The following TBXAS1 variants were observed in gnomAD, a reference collection of about 807,000 sequenced individuals.
TBXAS1 encodes thromboxane A synthase 1.
TBXAS1 carries 48 observed loss-of-function variants against 60.7 expected under a neutral mutation model. That is an observed-to-expected ratio of 0.79 (90% CI 0.63 to 1.01). The LOEUF (loss-of-function observed/expected upper bound fraction) is 1.01, where lower values mean the gene tolerates loss of function less well. TBXAS1 is among the 50% of genes least tolerant of loss of function. TBXAS1 has a pLI of 0.00. For synonymous variants in TBXAS1, 287 were observed against 269.7 expected (o/e 1.06, Z -0.63); for missense variants, 685 against 686.3 (o/e 1.00, Z 0.02).
chr7:139,913,073 C>T (rs1805664526), intron 4 of TBXAS1: 1 of 699,774 alleles, frequency 1.4e-6, no homozygotes, highest in African/African-American at 1.7e-5. Flanking sequence ...AGCCCCAGAG[C>T]ATCATGCCCA....
intron 3 of TBXAS1, among the ~76,000 whole-genome samples, chr7:139,882,894 A>T (rs1802803475): frequency 6.6e-6 from 1 of 152,248 alleles, no homozygotes. Flanking sequence ...TGAGTGAAAT[A>T]TCAATATTCT....
chr7:139,854,112 C>T lies in TBXAS1; in HGVS notation c.90-18123C>T, dbSNP rs371094764. 4.4e-4 allele frequency among the ~76,000 whole-genome samples: 67 copies of T among 152,130 alleles called. 2 individuals carry two copies. The East Asian group carries it at 9.6e-3, about 22-fold the overall frequency. On this transcript the variant is annotated intron_variant, in intron 1 of 12. Coordinates refer to ENST00000448866, the MANE Select transcript of TBXAS1 (RefSeq NM_001061.7). ...GGCCCAAAATTTAAGAAGGCCCTCA[C>T]TCTCAGGGTTGTACAAGAGCAGGGG...
chr7:139,983,223 A>C (rs1812090665), intron 9 of TBXAS1, among the ~76,000 whole-genome samples: 1 of 152,162 alleles, frequency 6.6e-6, no homozygotes, highest in South Asian at 2.1e-4. Context: ...CCCCATCTTC[A>C]ACCTCGGCTC....
chr7:139,835,414 A>T (rs943049049), intron 1 of TBXAS1, among the ~76,000 whole-genome samples: 2 of 152,156 alleles, frequency 1.3e-5, no homozygotes, highest in African/African-American at 4.8e-5. Context: ...ATCCAACAAC[A>T]TATCAAAAAG....
At chr7:140,014,420 A>C (rs567129305) in intron 10 of TBXAS1, among the ~76,000 whole-genome samples, 1 of 152,224 alleles carries the variant, frequency 6.6e-6, no homozygotes, top group East Asian at 1.9e-4. Flanking sequence ...GCTGGGGCTG[A>C]GGTAGGAGGC....
chr7:139,875,650 C>G lies in TBXAS1; in HGVS notation c.236+13C>G. 6.2e-7 allele frequency: 1 copy of G among 1,606,064 alleles called. No homozygotes were observed. The highest frequency in any genetic ancestry group is 1.1e-5 in the South Asian group (1 of 91,080). On this transcript the variant is annotated intron_variant, in intron 3 of 12. Coordinates refer to ENST00000448866, the MANE Select transcript of TBXAS1 (RefSeq NM_001061.7). ...GACCTCTGTGTGGGTAAGAAGGAAA[C>G]TCAACGTTTCTATTATGTACGATAT...
chr7:139,841,103 G>A (rs1283531707), intron 1 of TBXAS1, among the ~76,000 whole-genome samples: 3 of 152,240 alleles, frequency 2.0e-5, no homozygotes, highest in Non-Finnish European at 4.4e-5. Context: ...GTTCCTAGGT[G>A]TGAGCGTGGC....
chr7:139,873,610 A>G (rs1395262889), intron 2 of TBXAS1, among the ~76,000 whole-genome samples: 2 of 152,198 alleles, frequency 1.3e-5, no homozygotes, highest in South Asian at 2.1e-4. Context: ...TGACAGAAAT[A>G]AAACGTTGGG....
chr7:139,809,153 GTAGA>G lies in TBXAS1; in HGVS notation c.-79-20134_-79-20131del, dbSNP rs60399618. ...GAGAGACAGGACCAATAGGAGATAG[GTAGA>G]TAGATAGATAGATAGATAGATAGAA... On this transcript the variant is annotated intron_variant, in intron 4 of 16. Coordinates refer to the TBXAS1 transcript ENST00000336425. Among the ~76,000 whole-genome samples the G allele has an allele frequency of 1.6e-3, 246 of 150,150 alleles. 1 individual carries two copies. The East Asian group carries it at 0.028, about 17-fold the overall frequency.
In TBXAS1 at chr7:140,004,764, G is replaced by T. The variant is rs912689648; in HGVS notation, c.1135-2327G>T. On this transcript the variant is annotated intron_variant, in intron 9 of 12. Coordinates refer to ENST00000448866, the MANE Select transcript of TBXAS1 (RefSeq NM_001061.7). The surrounding 1 kb of genome is among the most constrained non-coding windows in gnomAD (Gnocchi z 5.1). ...CAGCCTTCCCCAGCCAGCCACAGCA[G>T]ACTAACCTCCAAGGATCTCTAAACC... Among the ~76,000 whole-genome samples the T allele has an allele frequency of 6.6e-6, 1 of 152,188 alleles. No individual in the cohort carries two copies. Among genetic ancestry groups the T allele is most frequent in the Non-Finnish European group, 1.5e-5 (1 of 68,038 alleles).
At chr7:139,848,216 G>C (rs727358) in intron 1 of TBXAS1, among the ~76,000 whole-genome samples, 45,831 of 151,792 alleles carry the variant, frequency 0.3, 9,575 homozygotes, top group African/African-American at 0.57. Context: ...AACGCCTGAG[G>C]TCAAATGATC....
At chr7:139,948,938 T>C (rs1462423525) in intron 5 of TBXAS1, among the ~76,000 whole-genome samples, 2 of 152,254 alleles carry the variant, frequency 1.3e-5, no homozygotes, top group Non-Finnish European at 2.9e-5. Context: ...TCTTATAATA[T>C]TTTCTCTGCA....
intron 1 of TBXAS1, among the ~76,000 whole-genome samples, chr7:139,844,100 G>A (rs1799643913): frequency 6.6e-6 from 1 of 152,182 alleles, no homozygotes; most frequent in Admixed American, 6.5e-5. Context: ...TGAAGAGCAA[G>A]ACTGTAAAAG....
At chr7:139,958,832 G>T (rs1810090369) in intron 8 of TBXAS1, among the ~76,000 whole-genome samples, 1 of 152,240 alleles carries the variant, frequency 6.6e-6, no homozygotes, top group Non-Finnish European at 1.5e-5. Flanking sequence ...GGAGGTGCGG[G>T]AAGAAGCAGC....
At chr7:139,914,614 C>T (rs1411367387) in intron 4 of TBXAS1, among the ~76,000 whole-genome samples, 2 of 152,164 alleles carry the variant, frequency 1.3e-5, no homozygotes, top group African/African-American at 4.8e-5. Flanking sequence ...CTCTTCCACA[C>T]CCATCCAAAC....
At chr7:139,861,905 T>C (rs1012936067) in intron 1 of TBXAS1, among the ~76,000 whole-genome samples, 1 of 152,202 alleles carries the variant, frequency 6.6e-6, no homozygotes, top group Non-Finnish European at 1.5e-5. Context: ...CTTTAATCTC[T>C]GCTTCCAGGC....
chr7:139,807,841 C>T (rs1403261888), intron 4 of TBXAS1, among the ~76,000 whole-genome samples: 6 of 152,128 alleles, frequency 3.9e-5, no homozygotes, highest in Non-Finnish European at 4.4e-5. Flanking sequence ...TGGCCTTGCC[C>T]CTGTCTGCTG....
At chr7:140,012,569 G>A (rs1585057522) in intron 10 of TBXAS1, among the ~76,000 whole-genome samples, 1 of 151,066 alleles carries the variant, frequency 6.6e-6, no homozygotes, top group South Asian at 2.1e-4. Flanking sequence ...AGCGATTCTC[G>A]TGCCTCAGCC....
upstream of TBXAS1, chr7:139,778,256 G>C (rs1796841465): frequency 6.6e-6 from 1 of 152,028 alleles, no homozygotes; most frequent in Non-Finnish European, 1.5e-5. This position sits in a 1 kb window ranked among gnomAD's most constrained non-coding sequence, Gnocchi z 4.8. Context: ...GAGAGGGCCG[G>C]CCTGGACCCG....
Sources: gnomAD v4.1 joint callset for allele counts (sites outside exome capture counted in the v4.1 genomes callset) on GRCh38, gnomAD v4.1.1 for gene constraint, Gnocchi (gnomAD v3.1) non-coding constraint, MANE v1.5 for transcripts, NCBI Gene and HGNC (gene_info 2026-07-23, HGNC 2026-07-21) for gene names.